Variants in SMAD6 observed in about 807,000 individuals in gnomAD.
SMAD6 encodes SMAD family member 6.
A neutral mutation model predicts 39.4 loss-of-function variants in SMAD6; 103 were observed. That is an observed-to-expected ratio of 2.62 (90% CI 2.23 to 3.08). SMAD6 has a LOEUF of 3.08. SMAD6 is among the 30% of genes most tolerant of loss of function. SMAD6 has a pLI of 0.00. For missense variants in SMAD6, 1,104 were observed against 742.9 expected (o/e 1.49, Z -5.65); for synonymous variants, 445 against 353.3 (o/e 1.26, Z -2.91).
intron 3 of SMAD6, among the ~76,000 whole-genome samples, chr15:66,735,338 G>A (rs1228698675): frequency 6.6e-6 from 1 of 152,224 alleles, no homozygotes; most frequent in African/African-American, 2.4e-5. Context: ...TCTCCTTTGG[G>A]AGGGCAATCA....
intron 3 of SMAD6, among the ~76,000 whole-genome samples, chr15:66,724,309 T>TGAATGAATGAAA (rs1893484249): frequency 6.6e-6 from 1 of 151,548 alleles, no homozygotes. Flanking sequence ...AATGAATGAA[T>TGAATGAATGAAA]GAAAATGAAT....
chr15:66,714,397 T>C (rs1377395701), intron 2 of SMAD6, among the ~76,000 whole-genome samples: 3 of 151,720 alleles, frequency 2.0e-5, no homozygotes, highest in South Asian at 2.1e-4. Flanking sequence ...AAAAAAAAAA[T>C]CCAAAGAAGC....
chr15:66,710,731 A>G (rs1038221968), intron 1 of SMAD6, among the ~76,000 whole-genome samples: 35 of 152,258 alleles, frequency 2.3e-4, no homozygotes, highest in African/African-American at 7.2e-4. Context: ...CAAGAAGCTA[A>G]GGAATTCTTC....
chr15:66,745,964 C>T (rs1310905306), intron 3 of SMAD6, among the ~76,000 whole-genome samples: 1 of 152,226 alleles, frequency 6.6e-6, no homozygotes, highest in Non-Finnish European at 1.5e-5. Flanking sequence ...AGTTCAGAGC[C>T]AGAGACAAAG....
chr15:66,752,575 G>A (rs968630347), intron 3 of SMAD6, among the ~76,000 whole-genome samples: 7 of 151,984 alleles, frequency 4.6e-5, no homozygotes, highest in Non-Finnish European at 1.0e-4. Flanking sequence ...TACTGAGGCT[G>A]GGAGTTCGAG....
intron 3 of SMAD6, among the ~76,000 whole-genome samples, chr15:66,724,062 T>A (rs1232923986): frequency 6.6e-6 from 1 of 152,164 alleles, no homozygotes; most frequent in East Asian, 1.9e-4. Context: ...AGGCATGCAG[T>A]TAATACCATA....
chr15:66,750,752 TTA>T (rs1199175773), intron 3 of SMAD6, among the ~76,000 whole-genome samples: 2 of 152,074 alleles, frequency 1.3e-5, no homozygotes, highest in Non-Finnish European at 1.5e-5. Context: ...CGCTGGGAAC[TTA>T]GGGAAGCAAT....
chr15:66,761,332 C>G (rs763203205), intron 3 of SMAD6, among the ~76,000 whole-genome samples: 1 of 152,208 alleles, frequency 6.6e-6, no homozygotes, highest in African/African-American at 2.4e-5. Context: ...CTCAGACTTC[C>G]TGTGTCTTAC....
At chr15:66,712,642 G>A (rs1595763711) in intron 2 of SMAD6, among the ~76,000 whole-genome samples, 2 of 143,658 alleles carry the variant, frequency 1.4e-5, no homozygotes, top group South Asian at 2.2e-4. Context: ...CTGAGGTCAC[G>A]CCACTGCACT....
At chr15:66,717,105 G>T (rs1893344601) in intron 3 of SMAD6, 1 of 1,288,778 alleles carries the variant, frequency 7.8e-7, no homozygotes, top group Non-Finnish European at 1.0e-6. Flanking sequence ...ACATCCGGAG[G>T]AATACCTGAA....
At chr15:66,716,380 C>A in intron 2 of SMAD6, 41 bp from the exon 3 acceptor site, 1 of 1,401,778 alleles carries the variant, frequency 7.1e-7, no homozygotes, top group South Asian at 1.2e-5. Context: ...GAGAGCGCTG[C>A]CCCACGGCCA....
At position 66,747,076 on chromosome 15, in the gene SMAD6, T is replaced by A. The variant is rs1334661183; in HGVS notation, c.952+30578T>A. Among the ~76,000 whole-genome samples the A allele has an allele frequency of 6.6e-6, 1 of 152,262 alleles. No homozygotes were observed. Among genetic ancestry groups the A allele is most frequent in the Non-Finnish European group, 1.5e-5 (1 of 68,042 alleles). On this transcript the variant is annotated intron_variant, in intron 3 of 3. Transcript: ENST00000288840. This position sits in a 1 kb window ranked among gnomAD's most constrained non-coding sequence, Gnocchi z 4.5. ...GAATAGCACTAATACATAAATTTCTTCTGGCTTGATTTTCATTTTACAAAA... is the reference window on the plus strand; with the variant it reads ...GAATAGCACTAATACATAAATTTCTACTGGCTTGATTTTCATTTTACAAAA...
chr15:66,775,021 G>A (rs952559039), intron 3 of SMAD6, among the ~76,000 whole-genome samples: 6 of 151,838 alleles, frequency 4.0e-5, no homozygotes, highest in South Asian at 2.1e-4. Flanking sequence ...CACCACACCC[G>A]GGTGATTTTT....
Position 66,703,368 on chromosome 15 carries a change from G to A in SMAD6, c.110G>A (p.Gly37Glu), listed in dbSNP as rs1424329307. 2.7e-6 allele frequency: 4 copies of A among 1,472,304 alleles called. No individual in the cohort carries two copies. In the East Asian group the frequency reaches 1.2e-4, roughly 44 times the overall value. 91.2% of individuals were successfully genotyped at this position (1,472,304 alleles called of 1,614,324 possible). A position where few individuals can be genotyped will look rare whatever the true frequency, so the allele number is the denominator to read the frequency against. ...GGCGGCGGTGGCGGCGACGAGGATG[G>A]GAGCTTGGGCAGCCGAGCTGAGCCG... ...SGGGGGGDED[G>E]SLGSRAEPAP... Residue 37 changes from glycine to glutamate, a missense_variant, in exon 1 of 4, where the codon GGG becomes GAG. By Grantham distance (98) the Gly-to-Glu change is moderately conservative (BLOSUM62 -2). Transcript: ENST00000288840.
intron 3 of SMAD6, among the ~76,000 whole-genome samples, chr15:66,737,553 G>A (rs1000264094): frequency 6.6e-5 from 10 of 152,176 alleles, no homozygotes; most frequent in African/African-American, 2.4e-4. Flanking sequence ...GTTTTGTTGG[G>A]TGAGTGGGGT....
intron 3 of SMAD6, among the ~76,000 whole-genome samples, chr15:66,718,158 A>C (rs188198897): frequency 1.1e-5 from 1 of 90,732 alleles, no homozygotes; most frequent in East Asian, 3.5e-4. Flanking sequence ...GTGTCTGTGC[A>C]TGTGCATACC....
chr15:66,771,503 C>T (rs1894378584), intron 3 of SMAD6, among the ~76,000 whole-genome samples: 1 of 152,206 alleles, frequency 6.6e-6, no homozygotes, highest in Non-Finnish European at 1.5e-5. Flanking sequence ...GCAGAAAACC[C>T]TTGGCCTCCA....
intron 3 of SMAD6, among the ~76,000 whole-genome samples, chr15:66,774,883 C>T (rs938715062): frequency 3.8e-5 from 5 of 130,642 alleles, no homozygotes; most frequent in African/African-American, 6.1e-5. Context: ...TTTTTTGAGA[C>T]GGAGTTTCGC....
intron 3 of SMAD6, among the ~76,000 whole-genome samples, chr15:66,756,779 G>A (rs1394690920): frequency 2.0e-5 from 3 of 152,228 alleles, no homozygotes; most frequent in Admixed American, 6.5e-5. Flanking sequence ...AAGTGAATTC[G>A]GGCAGAGTGG....
Sources: gnomAD v4.1 joint callset for allele counts (sites outside exome capture counted in the v4.1 genomes callset) on GRCh38, gnomAD v4.1.1 for gene constraint, Gnocchi (gnomAD v3.1) non-coding constraint, MANE v1.5 for transcripts, NCBI Gene and HGNC (gene_info 2026-07-23, HGNC 2026-07-21) for gene names.